The following MOV10L1 variants were observed in gnomAD, a reference collection of about 807,000 sequenced individuals.
The protein encoded by MOV10L1 is RNA helicase Mov10l1.
Under a neutral mutation model 143.8 loss-of-function variants are expected in MOV10L1, and 110 were observed. That is an observed-to-expected ratio of 0.76 (90% CI 0.66 to 0.90). MOV10L1 has a LOEUF of 0.90. Ranked by LOEUF, MOV10L1 falls within the 40% of genes least tolerant of loss-of-function variation. The pLI, the probability that MOV10L1 is intolerant of heterozygous loss-of-function variation, is 0.00. For synonymous variants in MOV10L1, 593 were observed against 581.1 expected (o/e 1.02, Z -0.29); for missense variants, 1,406 against 1,526.8 (o/e 0.92, Z 1.32).
In MOV10L1 at chr22:50,153,216, C is replaced by T. The variant is rs201087512; in HGVS notation, c.3064C>T (p.Arg1022Trp). 1.9e-6 allele frequency: 3 copies of T among 1,612,594 alleles called. No homozygotes were observed. The highest frequency in any genetic ancestry group is 1.3e-5 in the African/African-American group (1 of 75,042). ...CTTCCCTCTCATCTTCCATGGTGTG[C>T]GGGTGAGTTGTGTCTTGAATCCGTA... ...KGFPLIFHGV[R>W]GSEAREGKSP... Residue 1022 changes from arginine to tryptophan, a missense_variant and splice_region_variant, in exon 22 of 27, where the codon CGG becomes TGG. By Grantham distance (101) the Arg-to-Trp change is moderately radical. Around this residue, in one of 3 missense-constraint regions of MOV10L1, gnomAD observed 1,233 missense variants for 1,351.4 expected, o/e 0.91. Coordinates refer to ENST00000262794, the MANE Select transcript of MOV10L1 (RefSeq NM_018995.3).
chr22:50,139,828 C>T (rs1305115551), intron 15 of MOV10L1, among the ~76,000 whole-genome samples: 1 of 152,164 alleles, frequency 6.6e-6, no homozygotes, highest in Non-Finnish European at 1.5e-5. Context: ...TGAACACCTG[C>T]TAGAATGGCC....
At position 50,161,421 on chromosome 22, in the gene MOV10L1, G is replaced by A. The variant is rs369163826; in HGVS notation, c.3608G>A (p.Gly1203Glu). ...TACCCAGTGGTGCCAGAATCCACAGGACCAGAGAAGCATCAGGAGCCCAGC... is the reference window on the plus strand; with the variant it reads ...TACCCAGTGGTGCCAGAATCCACAGAACCAGAGAAGCATCAGGAGCCCAGC... Reference protein sequence around the residue: ...PSYPVVPESTGPEKHQEPS With the variant: ...PSYPVVPESTEPEKHQEPS Residue 1203 changes from glycine to glutamate, a missense_variant, in exon 27 of 27, where the codon GGA (glycine) becomes GAA (glutamate). Physicochemically the swap from Gly to Glu is moderately conservative, Grantham distance 98 (BLOSUM62 -2). This residue lies in a region of MOV10L1 where 1,233 missense variants were observed against 1,351.4 expected (regional missense o/e 0.91). Coordinates refer to ENST00000262794, the MANE Select transcript of MOV10L1 (RefSeq NM_018995.3). 6 of 1,599,394 alleles carry A rather than the reference G, an allele frequency of 3.8e-6. No homozygotes were observed. In the African/African-American group the frequency reaches 5.4e-5, roughly 14 times the overall value.
At chr22:50,123,872 G>A (rs1415510457) in intron 10 of MOV10L1, among the ~76,000 whole-genome samples, 1 of 152,152 alleles carries the variant, frequency 6.6e-6, no homozygotes, top group Non-Finnish European at 1.5e-5. Flanking sequence ...TCATGGTTTA[G>A]TCTTGGTAGG....
chr22:50,142,363 C>T (rs897787841), intron 16 of MOV10L1, among the ~76,000 whole-genome samples, 174 bp downstream of exon 16: 2 of 152,188 alleles, frequency 1.3e-5, no homozygotes, highest in African/African-American at 4.8e-5. Context: ...AGCTTAGATA[C>T]TTTAAGAAGA....
chr22:50,109,785 C>T (rs11703494), intron 5 of MOV10L1: 35,403 of 157,544 alleles, frequency 0.22, 4,381 homozygotes, highest in Admixed American at 0.35. Flanking sequence ...GAGGCTGCAG[C>T]GAGCTGTGAT....
At chr22:50,111,095 T>A (rs2062011508) in intron 5 of MOV10L1, among the ~76,000 whole-genome samples, 1 of 151,944 alleles carries the variant, frequency 6.6e-6, no homozygotes, top group South Asian at 2.1e-4. Flanking sequence ...GTGAGACAGG[T>A]CTCAATCAAG....
rs1335053509 is a variant in MOV10L1 at position 50,158,430 on chromosome 22, A to G, written c.3216+224A>G. The G allele has an allele frequency of 1.7e-5, 9 of 540,906 alleles. No homozygotes were observed. The highest frequency in any genetic ancestry group is 2.9e-5 in the Non-Finnish European group (9 of 309,440). 33.5% of individuals were successfully genotyped at this position (540,906 alleles called of 1,614,324 possible). A position where few individuals can be genotyped will look rare whatever the true frequency, so the allele number is the denominator to read the frequency against. On this transcript the variant is annotated intron_variant, in intron 23 of 26. Coordinates refer to ENST00000262794, the MANE Select transcript of MOV10L1 (RefSeq NM_018995.3). This position sits in a 1 kb window ranked among gnomAD's most constrained non-coding sequence, Gnocchi z 5.0. ...CTTTTCTACGGCCAGAGCCTCGAACAGTTTTTACATTTCTAAATGGTTACA... is the reference window on the plus strand; with the variant it reads ...CTTTTCTACGGCCAGAGCCTCGAACGGTTTTTACATTTCTAAATGGTTACA...
intron 2 of MOV10L1, among the ~76,000 whole-genome samples, chr22:50,097,033 C>T (rs2147026120): frequency 6.6e-6 from 1 of 152,126 alleles, no homozygotes; most frequent in East Asian, 1.9e-4. Flanking sequence ...CTCAAGATAC[C>T]ATTGACTAAT....
intron 15 of MOV10L1, among the ~76,000 whole-genome samples, chr22:50,136,860 T>C (rs2062834700): frequency 1.3e-5 from 2 of 152,138 alleles, no homozygotes; most frequent in African/African-American, 2.4e-5. Context: ...TCCTTAAAAG[T>C]TGACACAGTG....
chr22:50,139,883 C>T (rs983783447), intron 15 of MOV10L1, among the ~76,000 whole-genome samples: 3 of 152,174 alleles, frequency 2.0e-5, no homozygotes, highest in African/African-American at 4.8e-5. Flanking sequence ...CCCGTGGGGC[C>T]GCTGGCACGT....
At chr22:50,153,355 C>A in intron 22 of MOV10L1, 137 bp downstream of exon 22, 2 of 1,084,300 alleles carry the variant, frequency 1.8e-6, no homozygotes, top group Non-Finnish European at 2.6e-6. Flanking sequence ...AGTGAAAAGC[C>A]ATCGGGGGCT....
chr22:50,132,846 C>G (rs1304111469), intron 13 of MOV10L1, among the ~76,000 whole-genome samples: 1 of 152,078 alleles, frequency 6.6e-6, no homozygotes, highest in Non-Finnish European at 1.5e-5. Context: ...ACCAGTCTAG[C>G]CCACATGGGG....
chr22:50,090,133 G>T lies in MOV10L1; in HGVS notation c.45G>T (p.Thr15=), dbSNP rs779686985. 1 of 1,379,770 alleles carries T rather than the reference G, an allele frequency of 7.2e-7. No homozygotes were observed. Among genetic ancestry groups the T allele is most frequent in the Non-Finnish European group, 9.4e-7 (1 of 1,067,320 alleles). 85.5% of individuals were successfully genotyped at this position (1,379,770 alleles called of 1,614,324 possible). A position where few individuals can be genotyped will look rare whatever the true frequency, so the allele number is the denominator to read the frequency against. ...AAKLVAFFWR[T]ADTPREEAGQ... ...AGCTGGTGGCCTTCTTCTGGAGGACGGCGGACACCCCTAGGGAGGAAGCCG... is the reference window on the plus strand; with the variant it reads ...AGCTGGTGGCCTTCTTCTGGAGGACTGCGGACACCCCTAGGGAGGAAGCCG... Residue 15 remains threonine (T), a synonymous_variant, in exon 1 of 27, where the codon ACG becomes ACT. Transcript: ENST00000262794.
At chr22:50,109,619 C>T (rs1270858484) in intron 5 of MOV10L1, 6 of 153,288 alleles carry the variant, frequency 3.9e-5, no homozygotes, top group Non-Finnish European at 5.6e-5. Context: ...TGCAGTGAGC[C>T]GAGATCGCGC....
In MOV10L1 at chr22:50,158,901, G is replaced by A. The variant is rs930946758; in HGVS notation, c.3216+695G>A. The A allele has an allele frequency of 2.6e-5, 4 of 152,270 alleles. No homozygotes were observed. Among genetic ancestry groups the A allele is most frequent in the East Asian group, 3.9e-4 (2 of 5,194 alleles). The allele number at this position is 152,270 out of a possible 1,614,324, so 9.4% of individuals were successfully genotyped here. The stretch of plus-strand genomic sequence containing the variant: ...TCCTTTTTTCTGACCTCGGGGACTC[G>A]AGAGGTGAGTGCTTAGTTCTCCCAG... On this transcript the variant is annotated intron_variant, in intron 23 of 26. Transcript: ENST00000262794. This position sits in a 1 kb window ranked among gnomAD's most constrained non-coding sequence, Gnocchi z 5.0.
At chr22:50,138,116 A>G (rs141269204) in intron 15 of MOV10L1, among the ~76,000 whole-genome samples, 164 of 152,264 alleles carry the variant, frequency 1.1e-3, no homozygotes, top group African/African-American at 3.9e-3. Context: ...CTAGAAATAA[A>G]AGGAAATTTC....
intron 15 of MOV10L1, among the ~76,000 whole-genome samples, chr22:50,135,025 T>C (rs1176605406): frequency 4.6e-5 from 7 of 152,052 alleles, no homozygotes; most frequent in Non-Finnish European, 7.4e-5. Context: ...TTCTTTCTTT[T>C]TTTTTTGAGA....
intron 13 of MOV10L1, among the ~76,000 whole-genome samples, chr22:50,129,364 G>A (rs2062607844): frequency 6.6e-6 from 1 of 152,268 alleles, no homozygotes; most frequent in South Asian, 2.1e-4. Flanking sequence ...GTATTCTTCA[G>A]TTTTAATTCT....
At position 50,115,214 on chromosome 22, in the gene MOV10L1, A is replaced by G; in HGVS notation, c.1227A>G (p.Gly409=). Residue 409 remains glycine (G), a synonymous_variant, in exon 8 of 27, where the codon GGA becomes GGG. Transcript: ENST00000262794. ...CTGGGGGGCTTGTCCCTCCAGGGGG[A>G]AAAACCTTCATTGTGGTCATCTGTG... ...PEPGGLVPPG[G]KTFIVVICDG... The G allele has an allele frequency of 6.5e-7, 1 of 1,542,218 alleles. No homozygotes were observed.
Sources: allele counts gnomAD v4.1 joint callset (sites outside exome capture counted in the v4.1 genomes callset), GRCh38; gene constraint gnomAD v4.1.1; regional missense constraint gnomAD v4.1.1; non-coding constraint Gnocchi (gnomAD v3.1); transcripts MANE v1.5; gene names NCBI Gene and HGNC (gene_info 2026-07-23, HGNC 2026-07-21).